OCA2: variants seen among roughly 807,000 people sequenced by gnomAD.
OCA2 encodes the protein P protein.
OCA2 carries 77 observed loss-of-function variants against 100.2 expected under a neutral mutation model. The ratio of observed to expected loss-of-function variants is 0.77; its 90% CI spans 0.64 to 0.93. The LOEUF (loss-of-function observed/expected upper bound fraction) is 0.93. OCA2 is among the 40% of genes least tolerant of loss of function. The probability of loss-of-function intolerance (pLI) is 0.00; values close to 1 mark genes in which losing one functional copy is unlikely to be tolerated. For synonymous variants in OCA2, 432 were observed against 439.2 expected, an observed-to-expected ratio of 0.98 and a Z score of 0.21; for missense variants, 1,062 against 1,089.1, an observed-to-expected ratio of 0.98 and a Z score of 0.35.
chr15:28,001,950 C>T (rs1418871652), intron 9 of OCA2, among the ~76,000 whole-genome samples: 1 of 152,154 alleles, frequency 6.6e-6, no homozygotes, highest in African/African-American at 2.4e-5. Flanking sequence ...CGAGAGCTGC[C>T]GGGCTCACGG....
At chr15:27,915,261 A>G (rs1595637042) in intron 19 of OCA2, among the ~76,000 whole-genome samples, 1 of 152,176 alleles carries the variant, frequency 6.6e-6, no homozygotes, top group Non-Finnish European at 1.5e-5. Flanking sequence ...AAAACCCTAG[A>G]CAAAAACCTA....
chr15:27,782,890 A>G (rs1240867977), intron 23 of OCA2, among the ~76,000 whole-genome samples: 1 of 152,258 alleles, frequency 6.6e-6, no homozygotes, highest in African/African-American at 2.4e-5. Flanking sequence ...CAGAGCAGAC[A>G]GACCAATAAA....
chr15:27,850,333 G>A lies in OCA2; in HGVS notation c.2338+1049C>T, dbSNP rs976656735. 5.3e-5 allele frequency among the ~76,000 whole-genome samples: 8 copies of A among 152,154 alleles called. No homozygotes were observed. In the East Asian group the frequency reaches 1.4e-3, roughly 26 times the overall value. On this transcript the variant is annotated intron_variant, in intron 22 of 23. Coordinates refer to ENST00000354638, the MANE Select transcript of OCA2 (RefSeq NM_000275.3). ...CCATCCTCCCCACTCGACAGCAGGG[G>A]GGTGAATTCACTGTCTGTTACAATG...
At chr15:27,910,235 A>T (rs1465165343) in intron 19 of OCA2, among the ~76,000 whole-genome samples, 1 of 152,252 alleles carries the variant, frequency 6.6e-6, no homozygotes, top group Non-Finnish European at 1.5e-5. Flanking sequence ...CCACACTCAC[A>T]TAATGCCAGT....
chr15:28,041,039 A>G (rs2043186007), intron 2 of OCA2, among the ~76,000 whole-genome samples: 2 of 152,186 alleles, frequency 1.3e-5, no homozygotes, highest in Non-Finnish European at 2.9e-5. Flanking sequence ...AAAGCCAGAC[A>G]AAGACACTAT....
At chr15:28,066,106 GT>G (rs1377405741) in intron 2 of OCA2, among the ~76,000 whole-genome samples, 1 of 152,092 alleles carries the variant, frequency 6.6e-6, no homozygotes, top group Non-Finnish European at 1.5e-5. Flanking sequence ...AATCAATTCT[GT>G]TTTATGTACC....
chr15:27,992,249 C>T (rs1485793908), intron 9 of OCA2, among the ~76,000 whole-genome samples: 1 of 152,088 alleles, frequency 6.6e-6, no homozygotes, highest in Non-Finnish European at 1.5e-5. Flanking sequence ...TACAGGCACC[C>T]ACCACCACAC....
At chr15:28,003,316 C>G (rs1391450218) in intron 9 of OCA2, among the ~76,000 whole-genome samples, 1 of 152,240 alleles carries the variant, frequency 6.6e-6, no homozygotes, top group Non-Finnish European at 1.5e-5. Flanking sequence ...CTTAGAGAAT[C>G]GAGATGTTCC....
At chr15:27,885,558 T>C (rs1189478410) in intron 19 of OCA2, among the ~76,000 whole-genome samples, 1 of 152,222 alleles carries the variant, frequency 6.6e-6, no homozygotes, top group African/African-American at 2.4e-5. Context: ...TGATTAAATA[T>C]CCTCACAAGA....
chr15:27,957,413 G>T lies in OCA2; in HGVS notation c.1784+175C>A, dbSNP rs2040259231. Among the ~76,000 whole-genome samples, 1 of 152,174 alleles carries T rather than the reference G, an allele frequency of 6.6e-6. No individual in the cohort carries two copies. Among genetic ancestry groups the T allele is most frequent in the Non-Finnish European group, 1.5e-5 (1 of 68,052 alleles). ...GTTTCTTTGGTCCTTAAACTCGGCT[G>T]TGTACCCCCTGCAGAGCTCAGTGAG... is the stretch of plus-strand genomic sequence containing the variant. On this transcript the variant is annotated intron_variant, in intron 16 of 23. Transcript: ENST00000354638. This position sits in a 1 kb window ranked among gnomAD's most constrained non-coding sequence, Gnocchi z 4.3.
chr15:27,923,251 C>A (rs2038931018), intron 19 of OCA2, among the ~76,000 whole-genome samples: 1 of 152,232 alleles, frequency 6.6e-6, no homozygotes, highest in South Asian at 2.1e-4. Flanking sequence ...CAGTCTACCA[C>A]TGAAGGACAT....
intron 19 of OCA2, among the ~76,000 whole-genome samples, chr15:27,881,457 C>T (rs149765311): frequency 3.5e-4 from 54 of 152,210 alleles, no homozygotes; most frequent in African/African-American, 1.3e-3. Context: ...CCTCTTTGTA[C>T]CTCTGGTAGA....
intron 15 of OCA2, among the ~76,000 whole-genome samples, chr15:27,958,125 C>T (rs2040292252): frequency 6.6e-6 from 1 of 152,132 alleles, no homozygotes. Context: ...GGGTACAGCA[C>T]ACTAACATGG....
At chr15:27,732,743 C>G in the OCA2 span, among the ~76,000 whole-genome samples, 3 of 152,176 alleles carry the variant, frequency 2.0e-5, no homozygotes, top group South Asian at 6.2e-4. Context: ...TCTGTGGGCC[C>G]CTCCTGGGTA....
chr15:27,756,747 A>G (rs889810282), intron 23 of OCA2, among the ~76,000 whole-genome samples: 3 of 152,160 alleles, frequency 2.0e-5, no homozygotes, highest in Non-Finnish European at 2.9e-5. Context: ...TAAGATGCCG[A>G]GAATCTCAAT....
the OCA2 span, among the ~76,000 whole-genome samples, chr15:27,743,890 C>T: frequency 6.6e-6 from 1 of 152,296 alleles, no homozygotes; most frequent in African/African-American, 2.4e-5. Context: ...ACCTGCCTTT[C>T]ACCTTCACAC....
At chr15:27,956,508 C>T (rs144091090) in intron 16 of OCA2, among the ~76,000 whole-genome samples, 23 of 152,274 alleles carry the variant, frequency 1.5e-4, no homozygotes, top group African/African-American at 5.3e-4. Context: ...TGGTGAGCCT[C>T]GGAGCCCACA....
chr15:27,741,623 G>C, the OCA2 span, among the ~76,000 whole-genome samples: 1 of 152,094 alleles, frequency 6.6e-6, no homozygotes, highest in Non-Finnish European at 1.5e-5. Flanking sequence ...TATTTATGAG[G>C]GTCTGTGCCT....
intron 23 of OCA2, among the ~76,000 whole-genome samples, chr15:27,766,682 A>G (rs1198594863): frequency 6.6e-6 from 1 of 151,294 alleles, no homozygotes; most frequent in Non-Finnish European, 1.5e-5. Context: ...CTCACCACTC[A>G]CTCCTACCCA....
Sources: allele counts gnomAD v4.1 joint callset (sites outside exome capture counted in the v4.1 genomes callset), GRCh38; gene constraint gnomAD v4.1.1; non-coding constraint Gnocchi (gnomAD v3.1); transcripts MANE v1.5; gene names NCBI Gene and HGNC (gene_info 2026-07-23, HGNC 2026-07-21).